Variants in STAG1 observed in about 807,000 individuals in gnomAD.
STAG1 encodes cohesin subunit SA-1.
Under a neutral mutation model 170.9 loss-of-function variants are expected in STAG1, and 26 were observed. The ratio of observed to expected loss-of-function variants is 0.15; its 90% CI spans 0.11 to 0.21. The LOEUF is 0.21. Ranked by LOEUF, STAG1 falls within the 10% of genes least tolerant of loss-of-function variation. STAG1 has a pLI of 1.00. For synonymous variants in STAG1, 514 were observed against 497.7 expected, an observed-to-expected ratio of 1.03 and a Z score of -0.44; for missense variants, 964 against 1,509.5, an observed-to-expected ratio of 0.64 and a Z score of 5.99.
At chr3:136,442,071 G>T (rs2088650809) in intron 15 of STAG1, among the ~76,000 whole-genome samples, 1 of 152,124 alleles carries the variant, frequency 6.6e-6, no homozygotes, top group Non-Finnish European at 1.5e-5. Context: ...GATGGCATGT[G>T]CCTGCAGTCC....
At chr3:136,376,061 T>TAAAATAAAATAAAATAAAACAAAAAA (rs1560069542) in intron 23 of STAG1, among the ~76,000 whole-genome samples, 1 of 116,612 alleles carries the variant, frequency 8.6e-6, no homozygotes, top group African/African-American at 3.3e-5. Flanking sequence ...CAAAATAAAA[T>TAAAATAAAATAAAATAAAACAAAAAA]AAATGGCAGA....
rs981060673 is a variant in STAG1 at position 136,336,759 on chromosome 3, G to A, written c.*1495C>T. 1.3e-5 allele frequency: 2 copies of A among 152,226 alleles called. No homozygotes were observed. Among genetic ancestry groups the A allele is most frequent in the Non-Finnish European group, 2.9e-5 (2 of 68,036 alleles). 9.4% of individuals were successfully genotyped at this position (152,226 alleles called of 1,614,324 possible). A position where few individuals can be genotyped will look rare whatever the true frequency, so the allele number is the denominator to read the frequency against. On this transcript the variant is annotated 3_prime_UTR_variant, in exon 34 of 34. Coordinates refer to ENST00000383202, the MANE Select transcript of STAG1 (RefSeq NM_005862.3). ...TGTTTTGTGTCTTTACTAAAAGGATGAATAAAATCATCCATCATCATCTTG... is the reference window on the plus strand; with the variant it reads ...TGTTTTGTGTCTTTACTAAAAGGATAAATAAAATCATCCATCATCATCTTG...
chr3:136,538,023 A>T (rs1347184624), intron 6 of STAG1, among the ~76,000 whole-genome samples: 1 of 152,180 alleles, frequency 6.6e-6, no homozygotes, highest in Non-Finnish European at 1.5e-5. Context: ...TATTAAGACT[A>T]TTAAAAATAA....
intron 1 of STAG1, among the ~76,000 whole-genome samples, chr3:136,746,614 T>C (rs1311498942): frequency 1.3e-5 from 2 of 152,192 alleles, no homozygotes; most frequent in East Asian, 3.8e-4. Flanking sequence ...GCTGCCTTCT[T>C]TGTTCCACCA....
At chr3:136,485,177 G>T (rs1314388672) in intron 9 of STAG1, among the ~76,000 whole-genome samples, 1 of 152,080 alleles carries the variant, frequency 6.6e-6, no homozygotes, top group Non-Finnish European at 1.5e-5. Flanking sequence ...AGCTCTACTG[G>T]CCAGGCACAG....
intron 1 of STAG1, among the ~76,000 whole-genome samples, chr3:136,742,354 T>C (rs1430470837): frequency 6.6e-6 from 1 of 152,082 alleles, no homozygotes; most frequent in Non-Finnish European, 1.5e-5. Context: ...CATAAAGATA[T>C]GACTCAAAAT....
intron 25 of STAG1, 118 bp from the exon 26 acceptor site, chr3:136,363,585 G>C: frequency 2.2e-6 from 1 of 463,958 alleles, no homozygotes; most frequent in Non-Finnish European, 3.8e-6. Context: ...AGGTTGGTTG[G>C]TAAAAGAAAG....
rs1451414158 is a variant in STAG1 at position 136,676,797 on chromosome 3, ATTTT to A, written c.-83-45820_-83-45817del. Among the ~76,000 whole-genome samples, 4 of 151,492 alleles carry A rather than the reference ATTTT, an allele frequency of 2.6e-5. No homozygotes were observed. In the East Asian group the frequency reaches 7.7e-4, roughly 29 times the overall value. On this transcript the variant is annotated intron_variant, in intron 1 of 33. Transcript: ENST00000383202. ...TTTTCTATTACTAAGCTTTTTTGTG[ATTTT>A]ATTTCTTAGACTTTTTTTATTTTTT...
chr3:136,576,918 C>T (rs1005196237), intron 4 of STAG1, among the ~76,000 whole-genome samples: 2 of 152,024 alleles, frequency 1.3e-5, no homozygotes, highest in African/African-American at 2.4e-5. Flanking sequence ...AAGATAGATT[C>T]GTTTGCTTTG....
At chr3:136,615,875 GC>G (rs1394852424) in intron 3 of STAG1, among the ~76,000 whole-genome samples, 25 of 152,166 alleles carry the variant, frequency 1.6e-4, no homozygotes, top group Admixed American at 1.6e-3. Flanking sequence ...AAGGTAGGAA[GC>G]TAACAGTACA....
At chr3:136,521,088 A>C (rs901545948) in intron 7 of STAG1, 125 bp downstream of exon 7, 1 of 825,928 alleles carries the variant, frequency 1.2e-6, no homozygotes, top group South Asian at 2.1e-5. Flanking sequence ...TTTTAACAAA[A>C]ACTATTCAAA....
intron 23 of STAG1, among the ~76,000 whole-genome samples, chr3:136,370,931 GC>G (rs1937299974): frequency 2.6e-5 from 4 of 152,140 alleles, no homozygotes; most frequent in Admixed American, 2.0e-4. Context: ...CTGAGGAATC[GC>G]CACACTGACT....
intron 7 of STAG1, among the ~76,000 whole-genome samples, chr3:136,508,977 AAG>A (rs540621558): frequency 1.6e-4 from 24 of 152,248 alleles, no homozygotes; most frequent in Non-Finnish European, 1.5e-4. Flanking sequence ...GACTGACACA[AAG>A]GGTTCCTAAA....
At chr3:136,495,007 G>T (rs1302795362) in intron 9 of STAG1, among the ~76,000 whole-genome samples, 1 of 152,116 alleles carries the variant, frequency 6.6e-6, no homozygotes, top group Non-Finnish European at 1.5e-5. Context: ...ATCTGTACCA[G>T]TCAAAAAATT....
chr3:136,383,771 C>T (rs953105838), intron 22 of STAG1, among the ~76,000 whole-genome samples: 25 of 151,614 alleles, frequency 1.6e-4, no homozygotes, highest in East Asian at 1.4e-3. Context: ...CTGGCCAACA[C>T]GGTGAAACCC....
At chr3:136,720,313 G>C (rs983576161) in intron 1 of STAG1, among the ~76,000 whole-genome samples, 7 of 152,076 alleles carry the variant, frequency 4.6e-5, no homozygotes, top group Admixed American at 2.0e-4. Flanking sequence ...GCAGAACCCA[G>C]ATCTTGTAAA....
intron 22 of STAG1, among the ~76,000 whole-genome samples, chr3:136,388,603 C>G (rs1251615732): frequency 6.6e-6 from 1 of 151,882 alleles, no homozygotes; most frequent in East Asian, 1.9e-4. Flanking sequence ...TCCTGGCCTC[C>G]AGATCCGCCC....
intron 32 of STAG1, among the ~76,000 whole-genome samples, chr3:136,338,981 A>G (rs1051692212): frequency 7.9e-5 from 12 of 152,186 alleles, no homozygotes; most frequent in Non-Finnish European, 1.5e-4. Flanking sequence ...CAAAATGTGC[A>G]TGATGCTGAA....
chr3:136,522,988 T>A (rs1934767433), intron 6 of STAG1, among the ~76,000 whole-genome samples: 1 of 152,148 alleles, frequency 6.6e-6, no homozygotes, highest in African/African-American at 2.4e-5. Flanking sequence ...TGTGGGTTGG[T>A]TCTAAGTCTT....
Sources: gnomAD v4.1 joint callset for allele counts (sites outside exome capture counted in the v4.1 genomes callset) on GRCh38, gnomAD v4.1.1 for gene constraint, MANE v1.5 for transcripts, NCBI Gene and HGNC (gene_info 2026-07-23, HGNC 2026-07-21) for gene names.